The following ST6GALNAC4 variants were observed in gnomAD, a reference collection of about 807,000 sequenced individuals.
The protein encoded by ST6GALNAC4 is ST6 N-acetylgalactosaminide alpha-2,6-sialyltransferase 4.
A neutral mutation model predicts 30.4 loss-of-function variants in ST6GALNAC4; 24 were observed. The ratio of observed to expected loss-of-function variants is 0.79; its 90% CI spans 0.57 to 1.11. ST6GALNAC4 has a LOEUF of 1.11. Ranked by LOEUF, ST6GALNAC4 falls within the 50% of genes most tolerant of loss-of-function variation. The probability of loss-of-function intolerance (pLI) is 0.00; values close to 1 mark genes in which losing one functional copy is unlikely to be tolerated. For missense variants in ST6GALNAC4, 365 were observed against 430.1 expected (o/e 0.85, Z 1.34); for synonymous variants, 156 against 179.7 (o/e 0.87, Z 1.05).
At chr9:127,911,644 A>G (rs1831076184) in intron 4 of ST6GALNAC4, among the ~76,000 whole-genome samples, 1 of 152,028 alleles carries the variant, frequency 6.6e-6, no homozygotes, top group African/African-American at 2.4e-5. Flanking sequence ...GCGCCACCAC[A>G]CCCGGCTAAT....
intron 3 of ST6GALNAC4, among the ~76,000 whole-genome samples, 163 bp downstream of exon 3, chr9:127,914,490 CAAA>C (rs60857050): frequency 2.0e-5 from 1 of 50,136 alleles, no homozygotes; most frequent in South Asian, 1.3e-3. Flanking sequence ...GACTCCGTCT[CAAA>C]AAAAAAAAAA....
chr9:127,911,803 G>A (rs879393787), intron 4 of ST6GALNAC4, among the ~76,000 whole-genome samples: 1 of 152,070 alleles, frequency 6.6e-6, no homozygotes, highest in Admixed American at 6.5e-5. Context: ...TGTATTTTTG[G>A]TAGAGCCCAA....
Position 127,908,176 on chromosome 9 carries a change from G to C in ST6GALNAC4, c.*216C>G, listed in dbSNP as rs911402170. Reference sequence around the variant, plus strand: ...CCGTGAATTACTCAGGGAGTGGAGGGGGGAGACACGGCTCCCCCCTCCACT... The same window carrying C: ...CCGTGAATTACTCAGGGAGTGGAGGCGGGAGACACGGCTCCCCCCTCCACT... On this transcript the variant is annotated 3_prime_UTR_variant, in exon 6 of 6. Coordinates refer to ENST00000335791, the MANE Select transcript of ST6GALNAC4 (RefSeq NM_175039.4). 3 of 208,814 alleles carry C rather than the reference G, an allele frequency of 1.4e-5. No individual in the cohort carries two copies. Among genetic ancestry groups the C allele is most frequent in the Non-Finnish European group, 2.9e-5 (3 of 104,990 alleles). 12.9% of individuals were successfully genotyped at this position (208,814 alleles called of 1,614,324 possible).
At chr9:127,916,605 C>T in intron 1 of ST6GALNAC4, 111 bp from the exon 2 acceptor site, 6 of 642,080 alleles carry the variant, frequency 9.3e-6, no homozygotes, top group Non-Finnish European at 1.6e-5. Context: ...GCACATGGCA[C>T]CCGGGAATCC....
At chr9:127,910,759 C>T (rs1831058575) in intron 4 of ST6GALNAC4, among the ~76,000 whole-genome samples, 1 of 152,178 alleles carries the variant, frequency 6.6e-6, no homozygotes, top group Non-Finnish European at 1.5e-5. Flanking sequence ...CCACCCAGGC[C>T]CTGTGCTGGC....
chr9:127,912,403 C>T lies in ST6GALNAC4; in HGVS notation c.476G>A (p.Arg159Gln), dbSNP rs146476713. ...MVWGQGRHMDRVLGGRTYRTL... is the reference protein window; with the variant it reads ...MVWGQGRHMDQVLGGRTYRTL... ...GCGGTAGGTGCGGCCGCCGAGCACC[C>T]GGTCCATGTGCCTGCCCTGGCCCCA... The change falls in exon 4 of 6, where the codon CGG (arginine) becomes CAG (glutamine). Residue 159 changes from arginine to glutamine, a missense_variant. Physicochemically the swap from Arg to Gln is conservative, Grantham distance 43 (BLOSUM62 1). Transcript: ENST00000335791. The T allele has an allele frequency of 2.5e-5, 40 of 1,614,014 alleles. No individual in the cohort carries two copies. Among genetic ancestry groups the T allele is most frequent in the Middle Eastern group, 1.6e-4 (1 of 6,084 alleles).
chr9:127,909,331 G>A (rs963523830), intron 5 of ST6GALNAC4, among the ~76,000 whole-genome samples: 5 of 151,288 alleles, frequency 3.3e-5, no homozygotes, highest in South Asian at 2.1e-4. Flanking sequence ...GGAGGTTGCA[G>A]TGAGCCAAGA....
chr9:127,909,343 C>G (rs1400499053), intron 5 of ST6GALNAC4, among the ~76,000 whole-genome samples: 8 of 150,196 alleles, frequency 5.3e-5, no homozygotes, highest in Admixed American at 3.3e-4. Flanking sequence ...GAGCCAAGAT[C>G]GCGCCACTGC....
In ST6GALNAC4 at chr9:127,909,998, C is replaced by T; in HGVS notation, c.672G>A (p.Leu224=). The T allele has an allele frequency of 4.3e-6, 7 of 1,613,524 alleles. No homozygotes were observed. The highest frequency in any genetic ancestry group is 5.9e-6 in the Non-Finnish European group (7 of 1,179,986). The change falls in exon 5 of 6, where the codon CTG becomes CTA. Residue 224 remains leucine (L), a synonymous_variant. Coordinates refer to ENST00000335791, the MANE Select transcript of ST6GALNAC4 (RefSeq NM_175039.4). ...TCCCATAGACCACGATCTCCTCACA[C>T]AGCTCCAGCGCGAGGATCATGGTGA... ...GWFTMILALE[L]CEEIVVYGMV... is the part of the protein sequence containing the mutation.
rs1831046367 is a variant in ST6GALNAC4 at position 127,910,213 on chromosome 9, C to T, written c.612-155G>A. ...GAGGCTGGGGAGGGGACAGAGCCAGCCCAAGGCCAGCAGTGGGTGACAGGC... is the reference window on the plus strand; with the variant it reads ...GAGGCTGGGGAGGGGACAGAGCCAGTCCAAGGCCAGCAGTGGGTGACAGGC... On this transcript the variant is annotated intron_variant, in intron 4 of 5. Coordinates refer to ENST00000335791, the MANE Select transcript of ST6GALNAC4 (RefSeq NM_175039.4). 8.4e-6 allele frequency: 12 copies of T among 1,427,516 alleles called. No homozygotes were observed. In the South Asian group the frequency reaches 1.4e-4, roughly 17 times the overall value. 88.4% of individuals were successfully genotyped at this position (1,427,516 alleles called of 1,614,324 possible).
intron 5 of ST6GALNAC4, 56 bp from the exon 6 acceptor site, chr9:127,908,637 A>G: frequency 6.9e-7 from 1 of 1,443,452 alleles, no homozygotes; most frequent in Non-Finnish European, 9.2e-7. Context: ...CTCCGGCCAC[A>G]CCCTGCCGCC....
At chr9:127,913,680 G>A (rs1170401109) in intron 3 of ST6GALNAC4, among the ~76,000 whole-genome samples, 1 of 152,194 alleles carries the variant, frequency 6.6e-6, no homozygotes, top group Non-Finnish European at 1.5e-5. Flanking sequence ...TGTAATCCCA[G>A]CACTCTGGGA....
Position 127,910,026 on chromosome 9 carries a change from C to A in ST6GALNAC4, c.644G>T (p.Trp215Leu). 2 of 1,613,526 alleles carry A rather than the reference C, an allele frequency of 1.2e-6. No individual in the cohort carries two copies. The highest frequency in any genetic ancestry group is 1.7e-6 in the Non-Finnish European group (2 of 1,179,962). ...CTCCAGCGCGAGGATCATGGTGAAC[C>A]AGCCGGTGCTGAGGAAGGAGCCCGA... is the stretch of plus-strand genomic sequence containing the variant. ...RQSGSFLSTGWFTMILALELC... is the reference protein window; with the variant it reads ...RQSGSFLSTGLFTMILALELC... Residue 215 changes from tryptophan to leucine, a missense_variant, in exon 5 of 6, where the codon TGG becomes TTG. Coordinates refer to ENST00000335791, the MANE Select transcript of ST6GALNAC4 (RefSeq NM_175039.4).
intron 4 of ST6GALNAC4, 125 bp from the exon 5 acceptor site, chr9:127,910,183 TG>T: frequency 7.2e-7 from 1 of 1,383,448 alleles, no homozygotes; most frequent in Non-Finnish European, 9.4e-7. Context: ...CGGGGGGCTC[TG>T]GGGGAGGCTG....
At position 127,908,308 on chromosome 9, in the gene ST6GALNAC4, A is replaced by G. The variant is rs1455896919; in HGVS notation, c.*84T>C. 1 of 1,325,338 alleles carries G rather than the reference A, an allele frequency of 7.5e-7. No individual in the cohort carries two copies. The highest frequency in any genetic ancestry group is 1.0e-6 in the Non-Finnish European group (1 of 988,308). 82.1% of individuals were successfully genotyped at this position (1,325,338 alleles called of 1,614,324 possible). The stretch of plus-strand genomic sequence containing the variant: ...TGGCAGGAGGCAGGATCCATAAATT[A>G]AATGTTTTTGTGGAGTGTGATGGCT... On this transcript the variant is annotated 3_prime_UTR_variant, in exon 6 of 6. Coordinates refer to ENST00000335791, the MANE Select transcript of ST6GALNAC4 (RefSeq NM_175039.4).
At position 127,914,797 on chromosome 9, in the gene ST6GALNAC4, G is replaced by T; in HGVS notation, c.57C>A (p.Ala19=). 6.3e-7 allele frequency: 1 copy of T among 1,586,508 alleles called. No homozygotes were observed. The highest frequency in any genetic ancestry group is 2.3e-5 in the East Asian group (1 of 43,478). The change falls in exon 3 of 6, where the codon GCC becomes GCA. Residue 19 remains alanine (A), a synonymous_variant. Transcript: ENST00000335791. ...CCCAGCAGCACAGGAGGATGTAGAC[G>T]GCAGAGAAGACCACGGAGCACAGGA... ...LIILCSVVFS[A]VYILLCCWAG... is the part of the protein sequence containing the mutation.
At chr9:127,912,819 C>G in intron 3 of ST6GALNAC4, 139 bp from the exon 4 acceptor site, 1 of 1,069,916 alleles carries the variant, frequency 9.3e-7, no homozygotes, top group Non-Finnish European at 1.3e-6. Flanking sequence ...ATTTTGCAGG[C>G]TGGGCAGCAG....
intron 4 of ST6GALNAC4, chr9:127,910,419 G>C (rs1831050962): frequency 2.8e-6 from 3 of 1,059,310 alleles, no homozygotes; most frequent in Non-Finnish European, 3.4e-6. Flanking sequence ...GGGCACCGTG[G>C]TTTGAAGTCA....
chr9:127,910,188 G>T (rs1284309684), intron 4 of ST6GALNAC4, 130 bp from the exon 5 acceptor site: 1 of 1,444,236 alleles, frequency 6.9e-7, no homozygotes, highest in South Asian at 1.4e-5. Flanking sequence ...GGCTCTGGGG[G>T]AGGCTGGGGA....
Sources: allele counts gnomAD v4.1 joint callset (sites outside exome capture counted in the v4.1 genomes callset), GRCh38; gene constraint gnomAD v4.1.1; transcripts MANE v1.5; gene names NCBI Gene and HGNC (gene_info 2026-07-23, HGNC 2026-07-21).